Variants in PPP2R2A observed in about 807,000 individuals in gnomAD.
PPP2R2A encodes protein phosphatase 2 regulatory subunit Balpha.
A neutral mutation model predicts 53.2 loss-of-function variants in PPP2R2A; 9 were observed. The observed-to-expected ratio is 0.17, with a 90% CI of 0.10 to 0.30. PPP2R2A has a LOEUF of 0.30. Among genes scored for constraint, PPP2R2A ranks in the 10% least tolerant of loss-of-function variants. PPP2R2A has a pLI of 1.00. For missense variants in PPP2R2A, 235 were observed against 534.6 expected, an observed-to-expected ratio of 0.44 and a Z score of 5.53; for synonymous variants, 169 against 174.2, an observed-to-expected ratio of 0.97 and a Z score of 0.23.
chr8:26,345,796 C>T lies in PPP2R2A; in HGVS notation c.180+6809C>T, dbSNP rs192540750. On this transcript the variant is annotated intron_variant, in intron 3 of 9. Coordinates refer to ENST00000380737, the MANE Select transcript of PPP2R2A (RefSeq NM_002717.4). The stretch of plus-strand genomic sequence containing the variant: ...TTCATTGGATTTTGGTTTTACTTTA[C>T]GCCTTAATACTCCCAATAATTAAAG... 6.6e-5 allele frequency among the ~76,000 whole-genome samples: 10 copies of T among 152,166 alleles called. No individual in the cohort carries two copies. In the South Asian group the frequency reaches 1.4e-3, roughly 22 times the overall value.
chr8:26,368,881 C>T (rs559854298), intron 9 of PPP2R2A, among the ~76,000 whole-genome samples: 23 of 151,990 alleles, frequency 1.5e-4, no homozygotes, highest in Middle Eastern at 6.8e-3. Flanking sequence ...CCAAGGCCGG[C>T]GGATCATGAG....
intron 2 of PPP2R2A, among the ~76,000 whole-genome samples, chr8:26,313,129 A>G (rs976814239): frequency 6.7e-6 from 1 of 148,938 alleles, no homozygotes; most frequent in Admixed American, 6.7e-5. Context: ...CACCTCTTGG[A>G]TTCAAGTGAT....
Position 26,370,355 on chromosome 8 carries a change from A to G in PPP2R2A, c.1286A>G (p.Asn429Ser), listed in dbSNP as rs553365859. The G allele has an allele frequency of 6.8e-6, 11 of 1,614,238 alleles. No homozygotes were observed. The highest frequency in any genetic ancestry group is 5.0e-5 in the Admixed American group (3 of 60,030). ...CACACAGCCTGGCACCCCAAGGAAA[A>G]TATCATTGCCGTAGCTACTACAAAC... ...ILHTAWHPKE[N>S]IIAVATTNNL... is the part of the protein sequence containing the mutation. The change falls in exon 10 of 10, where the codon AAT becomes AGT. Residue 429 changes from asparagine (N) to serine (S), a missense_variant. Physicochemically the swap from Asn to Ser is conservative, Grantham distance 46. Transcript: ENST00000380737. The surrounding 1 kb of genome is among the most constrained non-coding windows in gnomAD (Gnocchi z 6.1).
intron 2 of PPP2R2A, among the ~76,000 whole-genome samples, chr8:26,316,733 G>T (rs940558919): frequency 1.3e-5 from 2 of 152,194 alleles, no homozygotes; most frequent in African/African-American, 4.8e-5. Flanking sequence ...AGAGACAACT[G>T]TGTCTTGACA....
chr8:26,363,705 T>G lies in PPP2R2A; in HGVS notation c.803-16T>G, dbSNP rs1479883885. On this transcript the variant is annotated splice_polypyrimidine_tract_variant and intron_variant, in intron 7 of 9. Transcript: ENST00000380737. The stretch of plus-strand genomic sequence containing the variant: ...GTACACCTTGCCCTTTTTGTGTTGT[T>G]TTGTTTTGTTTTTAGTGTTTGAAGA... 10 of 1,549,164 alleles carry G rather than the reference T, an allele frequency of 6.5e-6. No homozygotes were observed. The highest frequency in any genetic ancestry group is 5.4e-5 in the African/African-American group (4 of 73,412).
Position 26,362,641 on chromosome 8 carries a change from C to A in PPP2R2A, c.638-43C>A, listed in dbSNP as rs781706566. On this transcript the variant is annotated intron_variant, in intron 6 of 9. Transcript: ENST00000380737. This position sits in a 1 kb window ranked among gnomAD's most constrained non-coding sequence, Gnocchi z 4.4. Reference sequence around the variant, plus strand: ...TTTGAGAAATGTAGAATTATATTTGCCCTTTTTTCTAAGTGGAAATTCCTT... The same window carrying A: ...TTTGAGAAATGTAGAATTATATTTGACCTTTTTTCTAAGTGGAAATTCCTT... 1.9e-6 allele frequency: 3 copies of A among 1,576,912 alleles called. No homozygotes were observed. Among genetic ancestry groups the A allele is most frequent in the Non-Finnish European group, 1.7e-6 (2 of 1,150,936 alleles).
At chr8:26,368,431 G>A (rs993466103) in intron 9 of PPP2R2A, among the ~76,000 whole-genome samples, 1 of 152,208 alleles carries the variant, frequency 6.6e-6, no homozygotes, top group South Asian at 2.1e-4. Flanking sequence ...AGTTTTGTTT[G>A]TGAGGATACT....
At chr8:26,358,782 A>G (rs1163853615) in intron 4 of PPP2R2A, 1 of 351,338 alleles carries the variant, frequency 2.8e-6, no homozygotes, top group Non-Finnish European at 5.9e-6. Context: ...ATGAGCCTAT[A>G]GTGATACAAA....
In PPP2R2A at chr8:26,370,534, C is replaced by A; in HGVS notation, c.*121C>A. 1 of 1,126,612 alleles carries A rather than the reference C, an allele frequency of 8.9e-7. No homozygotes were observed. Among genetic ancestry groups the A allele is most frequent in the Non-Finnish European group, 1.3e-6 (1 of 790,356 alleles). The allele number at this position is 1,126,612 out of a possible 1,614,324, so 69.8% of individuals were successfully genotyped here. On this transcript the variant is annotated 3_prime_UTR_variant, in exon 10 of 10. Transcript: ENST00000380737. The surrounding 1 kb of genome is among the most constrained non-coding windows in gnomAD (Gnocchi z 6.1). ...CCCCTTTCCAGTGTTTGACAGTGTG[C>A]CATTCGACAACACATTGTTATAGCT... is the stretch of plus-strand genomic sequence containing the variant.
intron 3 of PPP2R2A, among the ~76,000 whole-genome samples, chr8:26,343,150 G>A (rs566386799): frequency 1.3e-5 from 2 of 151,540 alleles, no homozygotes; most frequent in East Asian, 2.0e-4. Flanking sequence ...CTCCAGCCTG[G>A]GCAACAGAGT....
At chr8:26,324,569 C>T (rs1238721647) in intron 2 of PPP2R2A, among the ~76,000 whole-genome samples, 2 of 152,218 alleles carry the variant, frequency 1.3e-5, no homozygotes, top group East Asian at 3.9e-4. Context: ...CATGGAGAAC[C>T]TCTGCTAGGA....
intron 9 of PPP2R2A, among the ~76,000 whole-genome samples, 169 bp downstream of exon 9, chr8:26,366,575 TA>T (rs1371192198): frequency 5.9e-5 from 9 of 152,182 alleles, no homozygotes; most frequent in African/African-American, 2.2e-4. Flanking sequence ...ATTTCACTAG[TA>T]AATATAAAAG....
chr8:26,313,503 A>G (rs1802390056), intron 2 of PPP2R2A, among the ~76,000 whole-genome samples: 1 of 152,174 alleles, frequency 6.6e-6, no homozygotes, highest in South Asian at 2.1e-4. Flanking sequence ...TCACAGTTGT[A>G]GTAGACTGGA....
At chr8:26,298,334 A>C (rs542470183) in intron 2 of PPP2R2A, among the ~76,000 whole-genome samples, 1 of 152,330 alleles carries the variant, frequency 6.6e-6, no homozygotes, top group African/African-American at 2.4e-5. Context: ...GCAGTTGTTC[A>C]ACTCTTCCGC....
chr8:26,317,713 A>G (rs1388354932), intron 2 of PPP2R2A, among the ~76,000 whole-genome samples: 2 of 152,252 alleles, frequency 1.3e-5, no homozygotes, highest in Non-Finnish European at 1.5e-5. Context: ...TATATGTATT[A>G]TTGACCAAAC....
chr8:26,347,058 G>A (rs1473149408), intron 3 of PPP2R2A, among the ~76,000 whole-genome samples: 1 of 152,144 alleles, frequency 6.6e-6, no homozygotes, highest in Non-Finnish European at 1.5e-5. Flanking sequence ...AATTCCCAAA[G>A]TTATCCTGTC....
At chr8:26,368,652 T>C (rs1805506910) in intron 9 of PPP2R2A, among the ~76,000 whole-genome samples, 1 of 151,952 alleles carries the variant, frequency 6.6e-6, no homozygotes, top group African/African-American at 2.4e-5. Flanking sequence ...TATTTAAAAA[T>C]TATCTGGACA....
intron 1 of PPP2R2A, chr8:26,292,475 T>G (rs533236494): frequency 5.1e-6 from 5 of 977,344 alleles, no homozygotes; most frequent in Non-Finnish European, 6.1e-6. Flanking sequence ...ATTTAAACTT[T>G]GCGTTTAGCA....
rs913388281 is a variant in PPP2R2A, at chr8:26,309,396, G to T, written c.82+15656G>T. On this transcript the variant is annotated intron_variant, in intron 2 of 9. Transcript: ENST00000380737. ...AGTGCTATAAACAGATGTGCTCTCA[G>T]CTAGGCTTTTTTCTAGAGTACAGGC... Among the ~76,000 whole-genome samples, 6 of 152,290 alleles carry T rather than the reference G, an allele frequency of 3.9e-5. No individual in the cohort carries two copies. In the East Asian group the frequency reaches 1.2e-3, roughly 29 times the overall value.
Sources: allele counts gnomAD v4.1 joint callset (sites outside exome capture counted in the v4.1 genomes callset), GRCh38; gene constraint gnomAD v4.1.1; non-coding constraint Gnocchi (gnomAD v3.1); transcripts MANE v1.5; gene names NCBI Gene and HGNC (gene_info 2026-07-23, HGNC 2026-07-21).